The following OOEP variants were observed in gnomAD, a reference collection of about 807,000 sequenced individuals.
OOEP encodes oocyte-expressed protein homolog.
A neutral mutation model predicts 13.7 loss-of-function variants in OOEP; 16 were observed. That is an observed-to-expected ratio of 1.16 (90% CI 0.79 to 1.77). The LOEUF (loss-of-function observed/expected upper bound fraction) is 1.77, where lower values mean the gene tolerates loss of function less well. Ranked by LOEUF, OOEP falls within the 40% of genes most tolerant of loss-of-function variation. The pLI, the probability that OOEP is intolerant of heterozygous loss-of-function variation, is 0.00. For synonymous variants in OOEP, 89 were observed against 77.1 expected (o/e 1.15, Z -0.81); for missense variants, 195 against 193.1 (o/e 1.01, Z -0.06).
chr6:73,387,508 C>T (rs182446780), intron 2 of OOEP: 2 of 152,156 alleles, frequency 1.3e-5, no homozygotes, highest in Admixed American at 1.3e-4. Flanking sequence ...GAGCAAAACT[C>T]CATCTCAAAA....
chr6:73,388,230 C>A (rs118012487), intron 2 of OOEP, among the ~76,000 whole-genome samples: 3,278 of 152,174 alleles, frequency 0.022, 276 homozygotes, highest in East Asian at 0.16. Flanking sequence ...CCTTATGCCT[C>A]CCCCTCCCCC....
At chr6:73,378,278 A>G (rs371088558) in intron 2 of OOEP, among the ~76,000 whole-genome samples, 4 of 151,374 alleles carry the variant, frequency 2.6e-5, no homozygotes, top group African/African-American at 9.7e-5. Context: ...ATGTTTTTGT[A>G]TTTTGTTGTA....
intron 2 of OOEP, chr6:73,390,989 T>C (rs1343014196): frequency 6.6e-6 from 1 of 152,152 alleles, no homozygotes; most frequent in Non-Finnish European, 1.5e-5. Flanking sequence ...CTTAGATATC[T>C]TTCCTCACCA....
At chr6:73,373,273 C>T (rs1422102472), upstream of OOEP, 55 of 1,601,056 alleles carry the variant, frequency 3.4e-5, no homozygotes, top group South Asian at 9.9e-5. Context: ...TGGCGAGCAG[C>T]GGAGTCAAGA....
chr6:73,380,106 T>C (rs180929187), intron 2 of OOEP, among the ~76,000 whole-genome samples: 47 of 152,306 alleles, frequency 3.1e-4, no homozygotes, highest in Non-Finnish European at 5.7e-4. Flanking sequence ...TATTGAAATA[T>C]TTAATTTTCC....
chr6:73,373,323 CTTCTT>C (rs1415698714), upstream of OOEP: 16 of 1,505,590 alleles, frequency 1.1e-5, no homozygotes, highest in Admixed American at 1.7e-4. Flanking sequence ...GGCTCCTTCT[CTTCTT>C]TTGTTTTCTT....
At chr6:73,393,975 G>A (rs547257626) in intron 2 of OOEP, among the ~76,000 whole-genome samples, 44 of 152,304 alleles carry the variant, frequency 2.9e-4, no homozygotes, top group Middle Eastern at 3.4e-3. Flanking sequence ...TGACACAAGA[G>A]CATGAAAACC....
intron 2 of OOEP, among the ~76,000 whole-genome samples, chr6:73,393,396 T>G (rs922183255): frequency 1.3e-5 from 2 of 152,180 alleles, no homozygotes; most frequent in African/African-American, 2.4e-5. Flanking sequence ...TGGCCTAAAC[T>G]GAAATTTGTT....
intron 2 of OOEP, among the ~76,000 whole-genome samples, chr6:73,377,543 C>G (rs1769153237): frequency 6.6e-6 from 1 of 152,090 alleles, no homozygotes; most frequent in African/African-American, 2.4e-5. Flanking sequence ...CTGATATCAC[C>G]CAAGATGTGA....
intron 2 of OOEP, among the ~76,000 whole-genome samples, chr6:73,380,989 AAAT>A (rs1330090479): frequency 6.6e-6 from 1 of 151,770 alleles, no homozygotes. Flanking sequence ...TCTCTACTAA[AAAT>A]AATAATAATA....
chr6:73,392,204 G>A (rs1007583541), intron 2 of OOEP, among the ~76,000 whole-genome samples: 2 of 152,162 alleles, frequency 1.3e-5, no homozygotes, highest in Non-Finnish European at 2.9e-5. Flanking sequence ...ATCTCAGCAC[G>A]TTGAATCCAA....
chr6:73,368,857 T>G lies in OOEP; in HGVS notation c.377A>C (p.Lys126Thr). 1 of 1,612,394 alleles carries G rather than the reference T, an allele frequency of 6.2e-7. No homozygotes were observed. Among genetic ancestry groups the G allele is most frequent in the Non-Finnish European group, 8.5e-7 (1 of 1,178,444 alleles). Reference sequence around the variant, plus strand: ...CAAGTTCTTCTCAAGGTGTTTCATCTTCTCAGCTGGAAGAGAAGCAGTTGA... The same window carrying G: ...CAAGTTCTTCTCAAGGTGTTTCATCGTCTCAGCTGGAAGAGAAGCAGTTGA... ...FHREHRARAE[K>T]MKHLEKNLKA... Residue 126 changes from lysine to threonine, a missense_variant, in exon 3 of 3, where the codon AAG becomes ACG. Lys to Thr is a moderately conservative substitution (Grantham distance 78, BLOSUM62 -1). Coordinates refer to ENST00000370359, the MANE Select transcript of OOEP (RefSeq NM_001080507.3).
At chr6:73,371,761 A>AAT (rs199518385), upstream of OOEP, among the ~76,000 whole-genome samples, 99 of 151,282 alleles carry the variant, frequency 6.5e-4, no homozygotes, top group African/African-American at 2.4e-3. Context: ...AAAAATAAAA[A>AAT]AAAATAAAAA....
At position 73,381,688 on chromosome 6, in the gene OOEP, AT is replaced by A. The variant is rs1484896446; in HGVS notation, c.26-12304del. 2.6e-5 allele frequency among the ~76,000 whole-genome samples: 4 copies of A among 152,248 alleles called. No homozygotes were observed. In the East Asian group the frequency reaches 5.8e-4, roughly 22 times the overall value. Reference sequence around the variant, plus strand: ...GGGCCGGCGTGGGGGGACAATTAATATAAAAAACCAGGCTGGGCGCGGTGGC... The same window carrying A: ...GGGCCGGCGTGGGGGGACAATTAATAAAAAAACCAGGCTGGGCGCGGTGGC... On this transcript the variant is annotated intron_variant, in intron 2 of 3. Coordinates refer to the OOEP transcript ENST00000370363.
chr6:73,388,243 A>C (rs566689249), intron 2 of OOEP, among the ~76,000 whole-genome samples: 2 of 152,332 alleles, frequency 1.3e-5, no homozygotes, highest in South Asian at 2.1e-4. Context: ...CCTCCCCCAA[A>C]GTGAAATGAA....
At chr6:73,377,527 G>A (rs1260863359) in intron 2 of OOEP, among the ~76,000 whole-genome samples, 1 of 152,088 alleles carries the variant, frequency 6.6e-6, no homozygotes, top group East Asian at 1.9e-4. Context: ...CTACTCAAAT[G>A]TTTCTCTGAT....
upstream of OOEP, chr6:73,373,409 T>A: frequency 1.2e-6 from 1 of 808,700 alleles, no homozygotes; most frequent in Non-Finnish European, 2.1e-6. Context: ...ACTGGGTAGC[T>A]GAGGCAGGTG....
chr6:73,373,056 G>A (rs927615645), upstream of OOEP: 11 of 1,407,644 alleles, frequency 7.8e-6, no homozygotes, highest in Non-Finnish European at 1.1e-5. Context: ...ATGGTAACAT[G>A]ATCGTGACCT....
At chr6:73,369,090 T>G in intron 2 of OOEP, 116 bp downstream of exon 2, 3 of 1,112,718 alleles carry the variant, frequency 2.7e-6, no homozygotes, top group Non-Finnish European at 3.9e-6. Context: ...GCTAGCTCCC[T>G]GGGGTCTGGA....
Sources: gnomAD v4.1 joint callset for allele counts (sites outside exome capture counted in the v4.1 genomes callset) on GRCh38, gnomAD v4.1.1 for gene constraint, MANE v1.5 for transcripts, NCBI Gene and HGNC (gene_info 2026-07-23, HGNC 2026-07-21) for gene names.